Variants in CDH18 observed in about 807,000 individuals in gnomAD.
The protein encoded by CDH18 is cadherin-18.
Under a neutral mutation model 67.9 loss-of-function variants are expected in CDH18, and 31 were observed. The observed-to-expected ratio is 0.46, with a 90% CI of 0.34 to 0.62. The LOEUF (loss-of-function observed/expected upper bound fraction) is 0.62, where lower values mean the gene tolerates loss of function less well. CDH18 is among the 20% of genes least tolerant of loss of function. The pLI is 0.01. For missense variants in CDH18, 890 were observed against 975.5 expected (o/e 0.91, Z 1.17); for synonymous variants, 362 against 347.2 (o/e 1.04, Z -0.48).
At chr5:19,721,744 A>G (rs1766131297) in intron 4 of CDH18, among the ~76,000 whole-genome samples, 1 of 152,112 alleles carries the variant, frequency 6.6e-6, no homozygotes, top group Non-Finnish European at 1.5e-5. Context: ...TTTGATTTTC[A>G]TTAAAAAAGC....
At chr5:19,821,757 T>C (rs1323479642) in intron 3 of CDH18, among the ~76,000 whole-genome samples, 3 of 152,146 alleles carry the variant, frequency 2.0e-5, no homozygotes. Context: ...AGGCTAACAG[T>C]GGACTTCTCA....
intron 5 of CDH18, among the ~76,000 whole-genome samples, chr5:19,670,732 C>A (rs2150348933): frequency 6.6e-6 from 1 of 152,104 alleles, no homozygotes; most frequent in Middle Eastern, 3.4e-3. Context: ...AGCTGAACGA[C>A]AAGATCAACT....
chr5:20,192,362 C>A (rs1160503295), intron 2 of CDH18, among the ~76,000 whole-genome samples: 1 of 152,026 alleles, frequency 6.6e-6, no homozygotes, highest in Non-Finnish European at 1.5e-5. Flanking sequence ...TTAATTAGAT[C>A]CCCTTTGTCA....
chr5:19,875,430 AGATAGATAGATC>A (rs201092760), intron 2 of CDH18, among the ~76,000 whole-genome samples: 1,801 of 150,074 alleles, frequency 0.012, 40 homozygotes, highest in African/African-American at 0.041. Flanking sequence ...ATAGATAGAT[AGATAGATAGATC>A]GATCGATCTA....
intron 5 of CDH18, among the ~76,000 whole-genome samples, chr5:19,621,507 C>T (rs750401432): frequency 6.6e-6 from 1 of 152,062 alleles, no homozygotes; most frequent in Non-Finnish European, 1.5e-5. Context: ...ATAGAGATAC[C>T]TGCACTCCTA....
chr5:19,845,376 C>A (rs1030916363), intron 2 of CDH18, among the ~76,000 whole-genome samples: 1 of 152,130 alleles, frequency 6.6e-6, no homozygotes, highest in Non-Finnish European at 1.5e-5. Context: ...TTGGAAAAGA[C>A]ACCAGCTATC....
chr5:20,349,660 T>A (rs1005928959), intron 1 of CDH18, among the ~76,000 whole-genome samples: 7 of 152,140 alleles, frequency 4.6e-5, no homozygotes, highest in Non-Finnish European at 7.4e-5. Flanking sequence ...CAAGATATAA[T>A]GTTTTAGCTC....
At chr5:20,030,214 C>T (rs1739273968) in intron 2 of CDH18, among the ~76,000 whole-genome samples, 1 of 152,140 alleles carries the variant, frequency 6.6e-6, no homozygotes, top group Non-Finnish European at 1.5e-5. Context: ...TAGTTAATAG[C>T]TAAAAGCTGT....
chr5:20,356,745 CTCTCTCTCTATA>C (rs1561999270), intron 1 of CDH18, among the ~76,000 whole-genome samples: 1 of 136,642 alleles, frequency 7.3e-6, no homozygotes, highest in African/African-American at 3.1e-5. Context: ...CTCTCTCTCT[CTCTCTCTCTATA>C]TATATATATA....
At chr5:19,984,398 G>A (rs1799361849) in intron 1 of CDH18, among the ~76,000 whole-genome samples, 1 of 151,806 alleles carries the variant, frequency 6.6e-6, no homozygotes, top group African/African-American at 2.4e-5. Flanking sequence ...AGGAAGGATG[G>A]AAATAAGAAA....
chr5:20,526,422 A>G (rs10941836), intron 1 of CDH18, among the ~76,000 whole-genome samples: 63,854 of 151,988 alleles, frequency 0.42, 14,672 homozygotes, highest in East Asian at 0.56. Context: ...GCCAGACTCC[A>G]TCCATAAGGG....
At chr5:19,946,693 ATC>A (rs796279612) in intron 2 of CDH18, among the ~76,000 whole-genome samples, 2 of 152,236 alleles carry the variant, frequency 1.3e-5, no homozygotes, top group African/African-American at 4.8e-5. Flanking sequence ...ATTGTATGCA[ATC>A]TCTTTCAGGA....
At chr5:20,159,081 T>C (rs1222709028) in intron 2 of CDH18, 1 of 152,388 alleles carries the variant, frequency 6.6e-6, no homozygotes, top group Non-Finnish European at 1.5e-5. Flanking sequence ...ATTTAGAAGA[T>C]GAATTCAATC....
At chr5:20,321,144 C>G (rs550093896) in intron 1 of CDH18, among the ~76,000 whole-genome samples, 18 of 152,110 alleles carry the variant, frequency 1.2e-4, no homozygotes, top group Admixed American at 3.9e-4. Context: ...GTGTTAATTC[C>G]TTATATATAG....
At chr5:20,182,780 T>C (rs989915024) in intron 2 of CDH18, among the ~76,000 whole-genome samples, 2 of 151,628 alleles carry the variant, frequency 1.3e-5, no homozygotes, top group Admixed American at 6.6e-5. Context: ...CAAATCCTAG[T>C]GGCTTGACCT....
In CDH18 at chr5:19,543,865, T is replaced by G. The variant is rs1735838363; in HGVS notation, c.1390+4A>C. 6.4e-7 allele frequency: 1 copy of G among 1,571,854 alleles called. No individual in the cohort carries two copies. The highest frequency in any genetic ancestry group is 1.8e-5 in the Admixed American group (1 of 56,396). On this transcript the variant is annotated splice_donor_region_variant and intron_variant, in intron 9 of 12. Transcript: ENST00000382275. Reference sequence around the variant, plus strand: ...CTTTTACTGTGATACATAAAGTAGTTTACCAATTTCTGAAGCAGTGACTGT... The same window carrying G: ...CTTTTACTGTGATACATAAAGTAGTGTACCAATTTCTGAAGCAGTGACTGT...
At chr5:20,326,537 C>CTTT (rs372636215) in intron 1 of CDH18, among the ~76,000 whole-genome samples, 3 of 134,126 alleles carry the variant, frequency 2.2e-5, no homozygotes, top group Non-Finnish European at 3.2e-5. Context: ...AACATATTTA[C>CTTT]TTTTTTTTTT....
At chr5:19,637,943 T>C (rs1436975614) in intron 5 of CDH18, among the ~76,000 whole-genome samples, 3 of 152,226 alleles carry the variant, frequency 2.0e-5, no homozygotes, top group African/African-American at 7.2e-5. Flanking sequence ...GTCATAAATA[T>C]TTTCTATCAT....
chr5:20,521,073 G>A (rs1448103208), intron 1 of CDH18, among the ~76,000 whole-genome samples: 1 of 152,154 alleles, frequency 6.6e-6, no homozygotes, highest in Non-Finnish European at 1.5e-5. Context: ...AAGGGAAACA[G>A]AAGCCCTAGA....
Sources: gnomAD v4.1 joint callset for allele counts (sites outside exome capture counted in the v4.1 genomes callset) on GRCh38, gnomAD v4.1.1 for gene constraint, MANE v1.5 for transcripts, NCBI Gene and HGNC (gene_info 2026-07-23, HGNC 2026-07-21) for gene names.